COL1A2: variants seen among roughly 807,000 people sequenced by gnomAD.
COL1A2 encodes collagen type I alpha 2 chain.
A neutral mutation model predicts 174.3 loss-of-function variants in COL1A2; 49 were observed. The observed-to-expected ratio is 0.28, with a 90% CI of 0.22 to 0.36. The LOEUF is 0.36. Among genes scored for constraint, COL1A2 ranks in the 10% least tolerant of loss-of-function variants. The pLI, the probability that COL1A2 is intolerant of heterozygous loss-of-function variation, is 1.00. For missense variants in COL1A2, 1,438 were observed against 1,822.7 expected (o/e 0.79, Z 3.84); for synonymous variants, 655 against 606.6 (o/e 1.08, Z -1.17).
At chr7:94,397,451 A>G (rs1177859516) in intron 1 of COL1A2, among the ~76,000 whole-genome samples, 1 of 152,126 alleles carries the variant, frequency 6.6e-6, no homozygotes, top group Non-Finnish European at 1.5e-5. Flanking sequence ...CTAAGCATTC[A>G]AAATATCCTT....
At chr7:94,416,713 A>G (rs1445257319) in intron 31 of COL1A2, 2 of 579,482 alleles carry the variant, frequency 3.5e-6, no homozygotes, top group African/African-American at 3.7e-5. Context: ...GGGAAAATTC[A>G]GAGTTCCCAA....
At chr7:94,408,151 C>G in intron 13 of COL1A2, 32 bp from the exon 14 acceptor site, 2 of 1,610,456 alleles carry the variant, frequency 1.2e-6, no homozygotes, top group Non-Finnish European at 1.7e-6. Flanking sequence ...AATTAGCATT[C>G]TGGATTTTAT....
intron 33 of COL1A2, 125 bp from the exon 34 acceptor site, chr7:94,419,373 G>T: frequency 9.0e-7 from 1 of 1,108,764 alleles, no homozygotes; most frequent in Non-Finnish European, 1.4e-6. Flanking sequence ...AGGCCTTCTA[G>T]ATATCCAACC....
At position 94,429,400 on chromosome 7, in the gene COL1A2, C is replaced by T; in HGVS notation, c.3924C>T (p.Phe1308=). Residue 1308 remains phenylalanine, a synonymous_variant, in exon 51 of 52, where the codon TTC becomes TTT. Coordinates refer to ENST00000297268, the MANE Select transcript of COL1A2 (RefSeq NM_000089.4). The part of the protein sequence containing the change: ...VELVAEGNSR[F]TYTVLVDGCS... ...TTGTTGCTGAGGGCAACAGCAGGTT[C>T]ACTTACACTGTTCTTGTAGATGGCT... is the stretch of plus-strand genomic sequence containing the variant. 1 of 1,614,006 alleles carries T rather than the reference C, an allele frequency of 6.2e-7. No individual in the cohort carries two copies. Among genetic ancestry groups the T allele is most frequent in the Non-Finnish European group, 8.5e-7 (1 of 1,179,962 alleles).
At position 94,410,956 on chromosome 7, in the gene COL1A2, C is replaced by T. The variant is rs753400753; in HGVS notation, c.1251+14C>T. 1 of 1,613,510 alleles carries T rather than the reference C, an allele frequency of 6.2e-7. No homozygotes were observed. Among genetic ancestry groups the T allele is most frequent in the Non-Finnish European group, 8.5e-7 (1 of 1,179,750 alleles). ...GCTGGCGTCATGGTAAGCTGTCTAT[C>T]ACTTACTTCCTAGAAAGGGGCTTGC... On this transcript the variant is annotated intron_variant, in intron 22 of 51. Transcript: ENST00000297268.
rs1232724503 is a variant in COL1A2 at position 94,412,265 on chromosome 7, G to A, written c.1404+144G>A. On this transcript the variant is annotated intron_variant, in intron 24 of 51. Coordinates refer to ENST00000297268, the MANE Select transcript of COL1A2 (RefSeq NM_000089.4). ...ATCTGGGAATGCAGAGTAATAGATT[G>A]TAATTATGGAGTCCAAATGAATACA... The A allele has an allele frequency of 5.0e-6, 4 of 807,780 alleles. No individual in the cohort carries two copies. The Admixed American group carries it at 8.1e-5, about 16-fold the overall frequency. 50.0% of individuals were successfully genotyped at this position (807,780 alleles called of 1,614,324 possible). A position where few individuals can be genotyped will look rare whatever the true frequency, so the allele number is the denominator to read the frequency against.
intron 1 of COL1A2, among the ~76,000 whole-genome samples, chr7:94,396,958 C>G (rs1257558912): frequency 3.3e-5 from 5 of 152,068 alleles, no homozygotes; most frequent in Non-Finnish European, 4.4e-5. Context: ...TCTTTAAGGA[C>G]TTATAACAAT....
intron 50 of COL1A2, 59 bp downstream of exon 50, chr7:94,428,536 G>C: frequency 1.4e-6 from 2 of 1,464,612 alleles, no homozygotes; most frequent in South Asian, 2.3e-5. Flanking sequence ...AGGACTGTTT[G>C]TTAATTATCT....
In COL1A2 at chr7:94,421,105, AATCTATTAAGGACAC is replaced by A. The variant is rs745745656; in HGVS notation, c.2349+44_2349+58del. ...ACTCTCGCCGCTTTTCTTTTTTCAG[AATCTATTAAGGACAC>A]TTGAAAGTTTTGAAATTTTTGGTAA... On this transcript the variant is annotated intron_variant, in intron 38 of 51. Coordinates refer to ENST00000297268, the MANE Select transcript of COL1A2 (RefSeq NM_000089.4). 2.5e-6 allele frequency: 4 copies of A among 1,603,410 alleles called. No individual in the cohort carries two copies. The Admixed American group carries it at 6.7e-5, about 27-fold the overall frequency.
intron 48 of COL1A2, 155 bp downstream of exon 48, chr7:94,427,450 G>A (rs978128848): frequency 1.9e-6 from 2 of 1,038,426 alleles, no homozygotes; most frequent in Non-Finnish European, 2.9e-6. Context: ...CAATGGGCTT[G>A]TTAAGTCCAT....
In COL1A2 at chr7:94,428,525, T is replaced by A. The variant is rs41317846; in HGVS notation, c.3711+48T>A. The A allele has an allele frequency of 3.8e-4, 584 of 1,532,870 alleles. 5 individuals are homozygous for A. In the African/African-American group the frequency reaches 7.1e-3, roughly 19 times the overall value. The allele number at this position is 1,532,870 out of a possible 1,614,324, so 95.0% of individuals were successfully genotyped here. On this transcript the variant is annotated intron_variant, in intron 50 of 51. Transcript: ENST00000297268. ...CTCCTTCTGCTAAATAATATTTTGG[T>A]AGGACTGTTTGTTAATTATCTGCAT...
intron 40 of COL1A2, 99 bp from the exon 41 acceptor site, chr7:94,424,237 T>C (rs1792227795): frequency 2.0e-6 from 2 of 1,023,264 alleles, no homozygotes; most frequent in Non-Finnish European, 3.1e-6. Context: ...CATTAGCCTT[T>C]TTCTAAGCTG....
intron 38 of COL1A2, chr7:94,421,300 T>A: frequency 1.7e-6 from 1 of 580,868 alleles, no homozygotes. Flanking sequence ...GCAGTTTAAT[T>A]GTAAAGTCGG....
At chr7:94,410,138 T>G in intron 19 of COL1A2, 104 bp from the exon 20 acceptor site, 11 of 1,168,282 alleles carry the variant, frequency 9.4e-6, no homozygotes, top group Non-Finnish European at 1.4e-5. Context: ...CTAGAGAACT[T>G]GAGCTTCTCT....
rs1043604400 is a variant in COL1A2 at position 94,411,033 on chromosome 7, G to T, written c.1252-23G>T. The T allele has an allele frequency of 1.5e-4, 219 of 1,446,152 alleles. No individual in the cohort carries two copies. The highest frequency in any genetic ancestry group is 1.8e-4 in the Non-Finnish European group (191 of 1,064,012). 89.6% of individuals were successfully genotyped at this position (1,446,152 alleles called of 1,614,324 possible). ...GCTTTAGCATCCTCCTCCTCTATCT[G>T]TTTTTTTTTTTTTTTTGAATAGGGC... On this transcript the variant is annotated intron_variant, in intron 22 of 51. Coordinates refer to ENST00000297268, the MANE Select transcript of COL1A2 (RefSeq NM_000089.4).
chr7:94,404,996 C>A (rs1791766041), intron 9 of COL1A2, 104 bp downstream of exon 9: 3 of 1,297,394 alleles, frequency 2.3e-6, no homozygotes, highest in East Asian at 4.7e-5. Context: ...GCTGAATATG[C>A]CTGACAGAAC....
rs751459545 is a variant in COL1A2 at position 94,398,393 on chromosome 7, A to G, written c.93A>G (p.Arg31=). 1 of 950,178 alleles carries G rather than the reference A, an allele frequency of 1.1e-6. No homozygotes were observed. The highest frequency in any genetic ancestry group is 2.2e-5 in the Admixed American group (1 of 45,162). The allele number at this position is 950,178 out of a possible 1,614,324, so 58.9% of individuals were successfully genotyped here. ...TCQSLQEETV[R]KGPAGDRGPR... The stretch of plus-strand genomic sequence containing the variant: ...TTATTCTTTTCTAGGAAACTGTAAG[A>G]AAGGTAAGAGTACACTACTTCTCCA... Residue 31 remains arginine, a synonymous_variant, in exon 3 of 52, where the codon AGA becomes AGG. Transcript: ENST00000297268.
chr7:94,395,329 G>A (rs1042078167), intron 1 of COL1A2: 4 of 622,348 alleles, frequency 6.4e-6, no homozygotes, highest in African/African-American at 1.8e-5. Flanking sequence ...TAAGTTCAGA[G>A]TGAGACAGTT....
At chr7:94,406,184 A>G (rs1791792177) in intron 11 of COL1A2, 66 bp from the exon 12 acceptor site, 2 of 1,517,646 alleles carry the variant, frequency 1.3e-6, no homozygotes, top group Non-Finnish European at 1.8e-6. Flanking sequence ...AAAGATATAC[A>G]ATACAATTTT....
Sources: gnomAD v4.1 joint callset for allele counts (sites outside exome capture counted in the v4.1 genomes callset) on GRCh38, gnomAD v4.1.1 for gene constraint, MANE v1.5 for transcripts, NCBI Gene and HGNC (gene_info 2026-07-23, HGNC 2026-07-21) for gene names.